The following AGMO variants were observed in gnomAD, a reference collection of about 807,000 sequenced individuals.
The protein encoded by AGMO is glyceryl-ether monooxygenase.
A neutral mutation model predicts 60.2 loss-of-function variants in AGMO; 75 were observed. The observed-to-expected ratio is 1.25, with a 90% CI of 1.03 to 1.51. The LOEUF (loss-of-function observed/expected upper bound fraction) is 1.51, where lower values mean the gene tolerates loss of function less well. Among genes scored for constraint, AGMO ranks in the 40% most tolerant of loss-of-function variants. The pLI, the probability that AGMO is intolerant of heterozygous loss-of-function variation, is 0.00. For synonymous variants in AGMO, 261 were observed against 177.1 expected (o/e 1.47, Z -3.76); for missense variants, 763 against 525.5 (o/e 1.45, Z -4.42).
At chr7:15,123,766 T>C in the AGMO span, among the ~76,000 whole-genome samples, 4 of 152,094 alleles carry the variant, frequency 2.6e-5, no homozygotes, top group Non-Finnish European at 1.5e-5. Context: ...TTAGCTATTA[T>C]CAATTTCTGC....
rs546627186 is a variant in AGMO at position 15,429,397 on chromosome 7, G to T, written c.513+1608C>A. On this transcript the variant is annotated intron_variant, in intron 4 of 12. Transcript: ENST00000342526. The stretch of plus-strand genomic sequence containing the variant: ...ATGTGGACAAAGAAACAGGAAGAAC[G>T]CCATGTGAAAATAAGAATTACGTTG... 1.4e-4 allele frequency among the ~76,000 whole-genome samples: 21 copies of T among 152,060 alleles called. No individual in the cohort carries two copies. In the East Asian group the frequency reaches 3.7e-3, roughly 27 times the overall value.
At chr7:15,214,133 G>A (rs149863536) in intron 12 of AGMO, among the ~76,000 whole-genome samples, 5 of 151,860 alleles carry the variant, frequency 3.3e-5, no homozygotes, top group Non-Finnish European at 7.4e-5. Context: ...GAAATTACTA[G>A]AATTTCTAAA....
In AGMO at chr7:15,352,058, G is replaced by A. The variant is rs540722688; in HGVS notation, c.1263+13456C>T. Among the ~76,000 whole-genome samples, 481 of 152,258 alleles carry A rather than the reference G, an allele frequency of 3.2e-3. 1 individual carries two copies. Among genetic ancestry groups the A allele is most frequent in the African/African-American group, 0.011 (449 of 41,554 alleles). On this transcript the variant is annotated intron_variant, in intron 12 of 12. Transcript: ENST00000342526. ...TTCTATTAACCTTGACTCTTGTCAAGCAGTTAATATGACAGAAGAAATAAC... is the reference window on the plus strand; with the variant it reads ...TTCTATTAACCTTGACTCTTGTCAAACAGTTAATATGACAGAAGAAATAAC...
the AGMO span, among the ~76,000 whole-genome samples, chr7:15,179,131 C>T: frequency 2.6e-5 from 4 of 152,206 alleles, no homozygotes; most frequent in Admixed American, 1.3e-4. Context: ...GCATTCCTTC[C>T]GAAACTCATG....
At chr7:15,336,820 C>G (rs78953264) in intron 12 of AGMO, among the ~76,000 whole-genome samples, 2 of 152,128 alleles carry the variant, frequency 1.3e-5, no homozygotes, top group South Asian at 4.1e-4. Flanking sequence ...TTATCAGGCT[C>G]TACATAACAT....
At chr7:15,448,435 C>T (rs543697475) in intron 3 of AGMO, among the ~76,000 whole-genome samples, 3 of 152,056 alleles carry the variant, frequency 2.0e-5, no homozygotes, top group Non-Finnish European at 4.4e-5. Context: ...ACTTCCTAGA[C>T]TCTAGAATAT....
chr7:15,167,468 A>T, the AGMO span, among the ~76,000 whole-genome samples: 1 of 152,252 alleles, frequency 6.6e-6, no homozygotes, highest in Non-Finnish European at 1.5e-5. Flanking sequence ...AGTAGACTGC[A>T]ACAAAAAACC....
chr7:15,394,917 T>C (rs868845768), intron 5 of AGMO, among the ~76,000 whole-genome samples: 1 of 152,220 alleles, frequency 6.6e-6, no homozygotes, highest in African/African-American at 2.4e-5. Flanking sequence ...CAATATCTGG[T>C]GCCTAATTCT....
chr7:15,360,331 C>G (rs118052032), intron 12 of AGMO, among the ~76,000 whole-genome samples: 4,002 of 152,172 alleles, frequency 0.026, 61 homozygotes, highest in Non-Finnish European at 0.039. Context: ...GGGCCAACCC[C>G]CCGTGCGGTC....
At chr7:15,323,982 T>C (rs1781260778) in intron 12 of AGMO, among the ~76,000 whole-genome samples, 1 of 152,224 alleles carries the variant, frequency 6.6e-6, no homozygotes, top group Non-Finnish European at 1.5e-5. Context: ...ATTTTGAAAC[T>C]GTGGCTTTCT....
the AGMO span, among the ~76,000 whole-genome samples, chr7:15,145,224 T>C: frequency 1.3e-5 from 2 of 152,320 alleles, no homozygotes; most frequent in African/African-American, 4.8e-5. Flanking sequence ...AATAAATGTA[T>C]TATGTCTTAC....
intron 4 of AGMO, among the ~76,000 whole-genome samples, chr7:15,420,468 C>CA (rs1562498312): frequency 6.6e-6 from 1 of 151,930 alleles, no homozygotes; most frequent in Non-Finnish European, 1.5e-5. Context: ...ATATTTCTAA[C>CA]AAAAAATATA....
At chr7:15,336,817 G>C (rs946019255) in intron 12 of AGMO, among the ~76,000 whole-genome samples, 2 of 152,048 alleles carry the variant, frequency 1.3e-5, no homozygotes, top group Non-Finnish European at 2.9e-5. Flanking sequence ...TACTTATCAG[G>C]CTCTACATAA....
At chr7:15,168,564 TCCCTAC>T in the AGMO span, among the ~76,000 whole-genome samples, 1 of 152,136 alleles carries the variant, frequency 6.6e-6, no homozygotes, top group Non-Finnish European at 1.5e-5. Flanking sequence ...CTGTGTATCA[TCCCTAC>T]CACTTGGTCT....
intron 3 of AGMO, among the ~76,000 whole-genome samples, chr7:15,522,505 T>C (rs556641837): frequency 1.3e-5 from 2 of 152,116 alleles, no homozygotes; most frequent in Non-Finnish European, 2.9e-5. Flanking sequence ...AACAGGTATA[T>C]AGAACAATGG....
chr7:15,139,087 C>T, the AGMO span, among the ~76,000 whole-genome samples: 1 of 152,108 alleles, frequency 6.6e-6, no homozygotes, highest in Non-Finnish European at 1.5e-5. Context: ...CAATTAACCA[C>T]TTTCTGGAAT....
chr7:15,387,044 C>T (rs981984391), intron 9 of AGMO, among the ~76,000 whole-genome samples: 8 of 152,142 alleles, frequency 5.3e-5, no homozygotes, highest in Non-Finnish European at 8.8e-5. Context: ...TAGACTGGCT[C>T]ATTCCTAAGG....
the AGMO span, among the ~76,000 whole-genome samples, chr7:15,121,998 CAA>C: frequency 2.6e-5 from 4 of 152,180 alleles, no homozygotes; most frequent in African/African-American, 9.6e-5. Flanking sequence ...TATGCATGGA[CAA>C]AGACTTCACG....
chr7:15,360,751 CTTG>C (rs1782719859), intron 12 of AGMO, among the ~76,000 whole-genome samples: 1 of 151,836 alleles, frequency 6.6e-6, no homozygotes, highest in African/African-American at 2.4e-5. Flanking sequence ...CATTCAAACC[CTTG>C]TTGTTTAAGG....
Sources: allele counts gnomAD v4.1 joint callset (sites outside exome capture counted in the v4.1 genomes callset), GRCh38; gene constraint gnomAD v4.1.1; transcripts MANE v1.5; gene names NCBI Gene and HGNC (gene_info 2026-07-23, HGNC 2026-07-21).